The following ERAP1 variants were observed in gnomAD, a reference collection of about 807,000 sequenced individuals.
ERAP1 encodes adipocyte-derived leucine aminopeptidase.
Under a neutral mutation model 103.7 loss-of-function variants are expected in ERAP1, and 86 were observed. That is an observed-to-expected ratio of 0.83 (90% CI 0.70 to 0.99). The LOEUF is 0.99. Ranked by LOEUF, ERAP1 falls within the 50% of genes least tolerant of loss-of-function variation. The pLI, the probability that ERAP1 is intolerant of heterozygous loss-of-function variation, is 0.00. For missense variants in ERAP1, 1,009 were observed against 1,128.4 expected (o/e 0.89, Z 1.52); for synonymous variants, 398 against 402.4 (o/e 0.99, Z 0.13).
intron 4 of ERAP1, 134 bp from the exon 5 acceptor site, chr5:96,795,296 C>T (rs1251619435): frequency 2.0e-5 from 24 of 1,183,272 alleles, no homozygotes; most frequent in Non-Finnish European, 2.9e-5. Flanking sequence ...ATTGGGAATT[C>T]CATTTCTTGC....
intron 4 of ERAP1, among the ~76,000 whole-genome samples, chr5:96,796,811 T>C (rs1777390551): frequency 6.6e-6 from 1 of 152,174 alleles, no homozygotes; most frequent in Non-Finnish European, 1.5e-5. Flanking sequence ...TTTGTTTGTT[T>C]GTTTAGAGAC....
chr5:96,927,493 T>G, the ERAP1 span, among the ~76,000 whole-genome samples: 1 of 150,494 alleles, frequency 6.6e-6, no homozygotes, highest in African/African-American at 2.4e-5. Flanking sequence ...ACTTTTTTTT[T>G]TTGTTTGTTT....
At chr5:96,797,360 T>C (rs368550283) in intron 3 of ERAP1, 51 bp from the exon 4 acceptor site, 6 of 1,585,104 alleles carry the variant, frequency 3.8e-6, no homozygotes, top group African/African-American at 1.3e-5. Context: ...TCCAATACAG[T>C]GAACATGATA....
At chr5:96,896,527 G>C in the ERAP1 span, 1 of 1,589,956 alleles carries the variant, frequency 6.3e-7, no homozygotes, top group African/African-American at 1.5e-5. Flanking sequence ...AGGTGCAGGT[G>C]GAAGCTCTGC....
At chr5:96,792,337 C>A in intron 7 of ERAP1, 145 bp from the exon 8 acceptor site, 1 of 695,518 alleles carries the variant, frequency 1.4e-6, no homozygotes, top group Non-Finnish European at 2.4e-6. Flanking sequence ...ATTTATGAAA[C>A]AAAATAGAAT....
At chr5:96,933,490 G>C in the ERAP1 span, among the ~76,000 whole-genome samples, 3 of 152,078 alleles carry the variant, frequency 2.0e-5, no homozygotes, top group Non-Finnish European at 4.4e-5. Flanking sequence ...CAAGAGGTTG[G>C]CAAAGAAATC....
chr5:96,866,772 G>A, the ERAP1 span, among the ~76,000 whole-genome samples: 1 of 152,176 alleles, frequency 6.6e-6, no homozygotes, highest in Admixed American at 6.5e-5. Context: ...AGGAGTTGAT[G>A]TGCTATTGAC....
downstream of ERAP1, chr5:96,771,984 A>G: frequency 4.1e-6 from 1 of 245,742 alleles, no homozygotes; most frequent in Non-Finnish European, 7.8e-6. Flanking sequence ...GGCTAGTTGA[A>G]TCTTTGAAAT....
the ERAP1 span, among the ~76,000 whole-genome samples, chr5:96,819,115 G>A: frequency 2.0e-5 from 3 of 151,678 alleles, no homozygotes; most frequent in Middle Eastern, 3.4e-3. Flanking sequence ...TAATAGAGAC[G>A]GGGTTTCAAC....
the ERAP1 span, among the ~76,000 whole-genome samples, chr5:96,842,918 TTAGA>T: frequency 6.6e-6 from 1 of 152,216 alleles, no homozygotes; most frequent in African/African-American, 2.4e-5. Context: ...ATTTCAGGTC[TTAGA>T]TTTAAGTCTT....
chr5:96,854,688 G>A, the ERAP1 span, among the ~76,000 whole-genome samples: 4 of 152,066 alleles, frequency 2.6e-5, no homozygotes, highest in African/African-American at 9.7e-5. Flanking sequence ...ATCCTAATAA[G>A]AAATTATGCT....
At chr5:96,820,817 A>C in the ERAP1 span, among the ~76,000 whole-genome samples, 2 of 152,202 alleles carry the variant, frequency 1.3e-5, no homozygotes, top group Admixed American at 6.5e-5. Context: ...CTCTCATAGT[A>C]ATAACTTCTA....
At chr5:96,817,356 A>G in the ERAP1 span, among the ~76,000 whole-genome samples, 2 of 152,254 alleles carry the variant, frequency 1.3e-5, no homozygotes, top group African/African-American at 2.4e-5. Flanking sequence ...AGCAACTGTG[A>G]TCATCTAATT....
At chr5:96,923,040 C>T in the ERAP1 span, among the ~76,000 whole-genome samples, 2 of 152,230 alleles carry the variant, frequency 1.3e-5, no homozygotes, top group East Asian at 1.9e-4. Flanking sequence ...GTGTCACGAT[C>T]GTAGCTCACT....
the ERAP1 span, among the ~76,000 whole-genome samples, chr5:96,819,011 C>T: frequency 7.9e-5 from 12 of 152,028 alleles, no homozygotes; most frequent in East Asian, 3.9e-4. Context: ...CTGCAACCTC[C>T]GCCTTCCAGG....
the ERAP1 span, among the ~76,000 whole-genome samples, chr5:96,814,857 G>A: frequency 6.6e-6 from 1 of 152,310 alleles, no homozygotes; most frequent in South Asian, 2.1e-4. Flanking sequence ...GAAAGACAAA[G>A]GAAAAGGTGT....
At chr5:96,849,132 C>A in the ERAP1 span, among the ~76,000 whole-genome samples, 1 of 152,030 alleles carries the variant, frequency 6.6e-6, no homozygotes, top group Non-Finnish European at 1.5e-5. Flanking sequence ...CTCCTCAACA[C>A]AATAAAGGGC....
At chr5:96,794,085 G>T in intron 5 of ERAP1, 128 bp from the exon 6 acceptor site, 1 of 802,172 alleles carries the variant, frequency 1.2e-6, no homozygotes, top group Non-Finnish European at 2.0e-6. Flanking sequence ...TAGACTGGAA[G>T]AACCTTTCAC....
the ERAP1 span, among the ~76,000 whole-genome samples, chr5:96,828,569 A>G: frequency 6.6e-6 from 1 of 152,208 alleles, no homozygotes; most frequent in South Asian, 2.1e-4. Flanking sequence ...CACTTTCAAT[A>G]GGGCAGGGTG....
Sources: allele counts gnomAD v4.1 joint callset (sites outside exome capture counted in the v4.1 genomes callset), GRCh38; gene constraint gnomAD v4.1.1; transcripts MANE v1.5; gene names NCBI Gene and HGNC (gene_info 2026-07-23, HGNC 2026-07-21).